The following ABI3BP variants were observed in gnomAD, a reference collection of about 807,000 sequenced individuals.
The protein encoded by ABI3BP is target of Nesh-SH3.
ABI3BP carries 216 observed loss-of-function variants against 268.6 expected under a neutral mutation model. The observed-to-expected ratio is 0.80, with a 90% CI of 0.72 to 0.90. ABI3BP has a LOEUF of 0.90. Among genes scored for constraint, ABI3BP ranks in the 40% least tolerant of loss-of-function variants. ABI3BP has a pLI of 0.00. For synonymous variants in ABI3BP, 730 were observed against 730.0 expected, an observed-to-expected ratio of 1.00 and a Z score of 0.00; for missense variants, 2,090 against 2,182.4, an observed-to-expected ratio of 0.96 and a Z score of 0.84.
In ABI3BP at chr3:100,761,761, GTGT is replaced by G. The variant is rs373909629; in HGVS notation, c.4850+4077_4850+4079del. ...CCCTGCCTTGTTTCTCCTGGGTTAA[GTGT>G]TGTAACGTGAAGCTCTACTCCACCC... On this transcript the variant is annotated intron_variant, in intron 63 of 67. Coordinates refer to ENST00000471714, the MANE Select transcript of ABI3BP (RefSeq NM_001375547.2). 7.2e-3 allele frequency among the ~76,000 whole-genome samples: 1,092 copies of G among 152,280 alleles called. 11 individuals carry two copies. The highest frequency in any genetic ancestry group is 0.025 in the African/African-American group (1,050 of 41,552).
chr3:100,901,914 G>A (rs1383938976), intron 3 of ABI3BP, among the ~76,000 whole-genome samples: 7 of 152,148 alleles, frequency 4.6e-5, no homozygotes, highest in Non-Finnish European at 7.3e-5. Context: ...AGAAGTTTTG[G>A]TAGTGAAATT....
chr3:100,945,572 G>A (rs1242279526), intron 1 of ABI3BP: 2 of 416,410 alleles, frequency 4.8e-6, no homozygotes, highest in Admixed American at 5.9e-5. Flanking sequence ...AAATATAAAT[G>A]GACTTACATG....
intron 49 of ABI3BP, 122 bp downstream of exon 49, chr3:100,810,290 G>A (rs2097825625): frequency 5.3e-6 from 4 of 754,484 alleles, no homozygotes; most frequent in Admixed American, 4.8e-5. Flanking sequence ...CAGACAGGTA[G>A]GATTACCCAT....
rs1305618447 is a variant in ABI3BP at position 100,787,733 on chromosome 3, C to A, written c.4157G>T (p.Gly1386Val). The A allele has an allele frequency of 6.5e-7, 1 of 1,530,400 alleles. No individual in the cohort carries two copies. Among genetic ancestry groups the A allele is most frequent in the African/African-American group, 1.4e-5 (1 of 72,872 alleles). 94.8% of individuals were successfully genotyped at this position (1,530,400 alleles called of 1,614,324 possible). A position where few individuals can be genotyped will look rare whatever the true frequency, so the allele number is the denominator to read the frequency against. Residue 1386 changes from glycine to valine, a missense_variant, in exon 57 of 68, where the codon GGA becomes GTA. By Grantham distance (109) the Gly-to-Val change is moderately radical (BLOSUM62 -3). Coordinates refer to ENST00000471714, the MANE Select transcript of ABI3BP (RefSeq NM_001375547.2). ...PSGMPSGNGVGTGVKQAPRPS... is the reference protein window; with the variant it reads ...PSGMPSGNGVVTGVKQAPRPS... Reference sequence around the variant, plus strand: ...AATACATTTGTGATTATTACCTGTTCCCACTCCATTCCCACTGGGCATCCC... The same window carrying A: ...AATACATTTGTGATTATTACCTGTTACCACTCCATTCCCACTGGGCATCCC...
intron 4 of ABI3BP, among the ~76,000 whole-genome samples, chr3:100,886,739 C>A (rs893289257): frequency 7.9e-5 from 12 of 151,638 alleles, no homozygotes; most frequent in African/African-American, 2.9e-4. Context: ...GCTTTTTCAT[C>A]CATGAAGGAT....
At position 100,864,079 on chromosome 3, in the gene ABI3BP, A is replaced by G. The variant is rs1347610879; in HGVS notation, c.1064-3T>C. The G allele has an allele frequency of 8.5e-6, 13 of 1,534,042 alleles. No individual in the cohort carries two copies. The highest frequency in any genetic ancestry group is 1.1e-5 in the Non-Finnish European group (13 of 1,144,904). ...TTCCGGGGTCCTTTTGCTGAGAACT[A>G]CAATAAAAAAGAGTGCAGTTAGCAA... On this transcript the variant is annotated splice_polypyrimidine_tract_variant and splice_region_variant and intron_variant, in intron 11 of 67. Coordinates refer to ENST00000471714, the MANE Select transcript of ABI3BP (RefSeq NM_001375547.2).
At chr3:100,875,451 T>TC in intron 8 of ABI3BP, 57 bp downstream of exon 8, 3 of 1,329,854 alleles carry the variant, frequency 2.3e-6, no homozygotes, top group Non-Finnish European at 3.3e-6. Context: ...AAAAGCCCTA[T>TC]CCTCAAAAGA....
At chr3:100,985,141 CTTT>C (rs1172049956) in intron 1 of ABI3BP, among the ~76,000 whole-genome samples, 4 of 79,854 alleles carry the variant, frequency 5.0e-5, no homozygotes, top group Non-Finnish European at 7.1e-5. Flanking sequence ...CAGAAAAGCA[CTTT>C]TTTTTTTTTT....
chr3:100,814,236 T>G (rs2097945141), intron 44 of ABI3BP, among the ~76,000 whole-genome samples: 1 of 152,140 alleles, frequency 6.6e-6, no homozygotes, highest in South Asian at 2.1e-4. Flanking sequence ...GGAGCCTATT[T>G]GGAAAATTAA....
intron 61 of ABI3BP, among the ~76,000 whole-genome samples, chr3:100,773,099 A>C (rs910413294): frequency 6.6e-6 from 1 of 151,622 alleles, no homozygotes; most frequent in Non-Finnish European, 1.5e-5. Flanking sequence ...AAAAAAGAAA[A>C]GAAAAAGAAA....
chr3:100,970,355 G>T (rs1444521066), intron 1 of ABI3BP, among the ~76,000 whole-genome samples: 2 of 152,088 alleles, frequency 1.3e-5, no homozygotes, highest in East Asian at 3.9e-4. Context: ...GCACCCCATT[G>T]GACACCTGGG....
intron 1 of ABI3BP, among the ~76,000 whole-genome samples, chr3:100,945,220 T>C (rs559056730): frequency 6.6e-6 from 1 of 152,136 alleles, no homozygotes; most frequent in East Asian, 1.9e-4. Context: ...TTTTCACAGG[T>C]CTCCCCAATT....
chr3:100,842,099 T>A lies in ABI3BP; in HGVS notation c.1724-60A>T, dbSNP rs989343211. On this transcript the variant is annotated intron_variant, in intron 20 of 67. Transcript: ENST00000471714. ...TGAAGAGCACCATCTGAGATAGAAG[T>A]GACATGTTCTTGACTATAAACGGAG... 20 of 1,363,024 alleles carry A rather than the reference T, an allele frequency of 1.5e-5. No individual in the cohort carries two copies. In the Admixed American group the frequency reaches 3.8e-4, roughly 26 times the overall value. The allele number at this position is 1,363,024 out of a possible 1,614,324, so 84.4% of individuals were successfully genotyped here.
chr3:100,884,673 G>A (rs2041046136), intron 6 of ABI3BP, among the ~76,000 whole-genome samples: 4 of 151,966 alleles, frequency 2.6e-5, no homozygotes. Context: ...ATCTCAGAGA[G>A]CAAAATTCCA....
At chr3:100,761,908 G>A (rs1315331747) in intron 63 of ABI3BP, among the ~76,000 whole-genome samples, 1 of 152,216 alleles carries the variant, frequency 6.6e-6, no homozygotes, top group Non-Finnish European at 1.5e-5. Flanking sequence ...ATCTCCTAGT[G>A]TTGGAACACT....
At chr3:100,889,430 C>T (rs1273838650) in intron 4 of ABI3BP, among the ~76,000 whole-genome samples, 1 of 152,126 alleles carries the variant, frequency 6.6e-6, no homozygotes, top group Non-Finnish European at 1.5e-5. Context: ...GGAAGAAAAA[C>T]AAAAGTAATC....
At chr3:100,756,412 C>A (rs1204681371) in intron 63 of ABI3BP, among the ~76,000 whole-genome samples, 1 of 152,166 alleles carries the variant, frequency 6.6e-6, no homozygotes, top group Non-Finnish European at 1.5e-5. Flanking sequence ...TTGTCATTGT[C>A]ATTTGCAATG....
chr3:100,917,916 T>C (rs2059117869), intron 2 of ABI3BP, among the ~76,000 whole-genome samples: 1 of 152,198 alleles, frequency 6.6e-6, no homozygotes, highest in South Asian at 2.1e-4. Flanking sequence ...GGCTTTCTGG[T>C]ATAAACTTAT....
At chr3:100,811,947 T>G in intron 46 of ABI3BP, 148 bp from the exon 47 acceptor site, 1 of 637,220 alleles carries the variant, frequency 1.6e-6, no homozygotes, top group East Asian at 2.8e-5. Flanking sequence ...ATTATGAAGA[T>G]GACCACAATT....
Sources: allele counts gnomAD v4.1 joint callset (sites outside exome capture counted in the v4.1 genomes callset), GRCh38; gene constraint gnomAD v4.1.1; transcripts MANE v1.5; gene names NCBI Gene and HGNC (gene_info 2026-07-23, HGNC 2026-07-21).